PIP5K1B: variants seen among roughly 807,000 people sequenced by gnomAD.
PIP5K1B encodes phosphatidylinositol 4-phosphate 5-kinase type-1 beta.
In PIP5K1B, 42 loss-of-function variants were observed where a neutral mutation model predicts 67.0. That is an observed-to-expected ratio of 0.63 (90% CI 0.49 to 0.81). PIP5K1B has a LOEUF of 0.81. PIP5K1B is among the 30% of genes least tolerant of loss of function. The pLI is 0.00. For synonymous variants in PIP5K1B, 214 were observed against 231.4 expected (o/e 0.92, Z 0.68); for missense variants, 459 against 646.3 (o/e 0.71, Z 3.14).
intron 4 of PIP5K1B, among the ~76,000 whole-genome samples, chr9:68,858,791 T>C (rs535522377): frequency 2.1e-4 from 32 of 152,254 alleles, no homozygotes; most frequent in Non-Finnish European, 4.1e-4. Flanking sequence ...TGAAATGTTT[T>C]AATATTTCCT....
rs1250691883 is a variant in PIP5K1B, at chr9:68,919,410, GA to G, written c.984-66del. On this transcript the variant is annotated intron_variant, in intron 9 of 15. Coordinates refer to ENST00000265382, the MANE Select transcript of PIP5K1B (RefSeq NM_003558.4). ...ATTTTTATTTTCAGTCTATTTATTA[GA>G]AATGATTTTTTAACTTCCTATTCTT... is the stretch of plus-strand genomic sequence containing the variant. 7 of 729,458 alleles carry G rather than the reference GA, an allele frequency of 9.6e-6. No individual in the cohort carries two copies. The Admixed American group carries it at 2.0e-4, about 20-fold the overall frequency. The allele number at this position is 729,458 out of a possible 1,614,324, so 45.2% of individuals were successfully genotyped here. A position where few individuals can be genotyped will look rare whatever the true frequency, so the allele number is the denominator to read the frequency against.
intron 2 of PIP5K1B, among the ~76,000 whole-genome samples, chr9:68,805,869 G>A (rs200665903): frequency 2.1e-3 from 323 of 152,312 alleles, no homozygotes; most frequent in African/African-American, 7.5e-3. Flanking sequence ...ATACAGGGGC[G>A]CTCCCAGAAC....
intron 13 of PIP5K1B, among the ~76,000 whole-genome samples, chr9:68,939,063 C>T (rs996672538): frequency 1.3e-5 from 2 of 152,202 alleles, no homozygotes; most frequent in African/African-American, 4.8e-5. Context: ...ACAGGAATAA[C>T]AGCTCATCAT....
chr9:68,721,631 A>G (rs532462465), intron 1 of PIP5K1B, among the ~76,000 whole-genome samples: 5 of 152,178 alleles, frequency 3.3e-5, no homozygotes, highest in African/African-American at 1.2e-4. Context: ...CATGATGGAG[A>G]CACTGGCTGT....
chr9:68,716,669 G>A (rs996392736), intron 1 of PIP5K1B, among the ~76,000 whole-genome samples: 1 of 152,194 alleles, frequency 6.6e-6, no homozygotes, highest in African/African-American at 2.4e-5. Context: ...GGAAAACAGT[G>A]AGAAATCTTG....
At chr9:68,901,219 A>C (rs977427771) in intron 8 of PIP5K1B, among the ~76,000 whole-genome samples, 1 of 152,168 alleles carries the variant, frequency 6.6e-6, no homozygotes, top group African/African-American at 2.4e-5. Flanking sequence ...AAAAGGGTGC[A>C]GGGACATCAT....
At chr9:68,834,459 T>C (rs1474094460) in intron 4 of PIP5K1B, among the ~76,000 whole-genome samples, 1 of 152,200 alleles carries the variant, frequency 6.6e-6, no homozygotes, top group African/African-American at 2.4e-5. Flanking sequence ...GTAATAATTG[T>C]TGGCAGTTAT....
At chr9:68,789,357 A>C in intron 2 of PIP5K1B, 1 of 387,254 alleles carries the variant, frequency 2.6e-6, no homozygotes, top group Non-Finnish European at 5.0e-6. Flanking sequence ...TCACAATCAC[A>C]TTGTCCTTCA....
intron 4 of PIP5K1B, among the ~76,000 whole-genome samples, chr9:68,833,446 G>A (rs968659317): frequency 2.6e-5 from 4 of 152,224 alleles, no homozygotes; most frequent in Non-Finnish European, 5.9e-5. Flanking sequence ...AAGAGTGGCC[G>A]AGTAGCGTGA....
chr9:68,780,201 C>T, intron 2 of PIP5K1B: 1 of 1,535,776 alleles, frequency 6.5e-7, no homozygotes, highest in East Asian at 2.3e-5. Flanking sequence ...CCTGGAGCTG[C>T]CTCCGGGTAC....
chr9:68,940,198 C>A (rs1827487734), intron 13 of PIP5K1B, among the ~76,000 whole-genome samples: 2 of 152,264 alleles, frequency 1.3e-5, no homozygotes, highest in African/African-American at 4.8e-5. Flanking sequence ...TTTCCCAGCT[C>A]TTGAAAAGCC....
chr9:68,783,812 A>G (rs1258857143), intron 2 of PIP5K1B: 3 of 167,038 alleles, frequency 1.8e-5, no homozygotes, highest in African/African-American at 4.8e-5. Context: ...CTATCCATTC[A>G]TTCTCCATAC....
chr9:68,988,314 ATAAG>A (rs932277838), intron 14 of PIP5K1B, among the ~76,000 whole-genome samples: 2 of 151,394 alleles, frequency 1.3e-5, no homozygotes, highest in Non-Finnish European at 2.9e-5. Flanking sequence ...TCTTTTATAT[ATAAG>A]AGCTTCCAGA....
intron 6 of PIP5K1B, among the ~76,000 whole-genome samples, chr9:68,885,165 A>G (rs1377470452): frequency 6.6e-6 from 1 of 152,240 alleles, no homozygotes; most frequent in African/African-American, 2.4e-5. Context: ...AACAGCATGG[A>G]TGATCATAGA....
chr9:68,875,366 T>C (rs141471304), intron 5 of PIP5K1B, among the ~76,000 whole-genome samples: 18 of 146,558 alleles, frequency 1.2e-4, no homozygotes, highest in African/African-American at 4.5e-4. Context: ...ACTAGTTGCG[T>C]TGGTTATATT....
At chr9:68,850,910 G>A (rs1462778744) in intron 4 of PIP5K1B, among the ~76,000 whole-genome samples, 2 of 152,304 alleles carry the variant, frequency 1.3e-5, no homozygotes, top group South Asian at 2.1e-4. Flanking sequence ...AGTTTAAAGT[G>A]TAATATTTCT....
At chr9:68,988,408 AACTC>A (rs1439825537) in intron 14 of PIP5K1B, among the ~76,000 whole-genome samples, 1 of 150,570 alleles carries the variant, frequency 6.6e-6, no homozygotes, top group Non-Finnish European at 1.5e-5. Context: ...CATAAATAAA[AACTC>A]AAGAATGGAA....
intron 14 of PIP5K1B, among the ~76,000 whole-genome samples, chr9:68,968,503 C>CAAAAAAAAAAAA (rs35997709): frequency 7.6e-6 from 1 of 132,102 alleles, no homozygotes; most frequent in Non-Finnish European, 1.6e-5. Flanking sequence ...GACTCTGTCT[C>CAAAAAAAAAAAA]AAAAAAAAAA....
At chr9:68,772,760 G>A (rs1830727595) in intron 2 of PIP5K1B, among the ~76,000 whole-genome samples, 1 of 152,048 alleles carries the variant, frequency 6.6e-6, no homozygotes, top group South Asian at 2.1e-4. Flanking sequence ...TTAGCCTTAG[G>A]GAAGAAGATG....
Sources: gnomAD v4.1 joint callset for allele counts (sites outside exome capture counted in the v4.1 genomes callset) on GRCh38, gnomAD v4.1.1 for gene constraint, MANE v1.5 for transcripts, NCBI Gene and HGNC (gene_info 2026-07-23, HGNC 2026-07-21) for gene names.